PTPRD: variants seen among roughly 807,000 people sequenced by gnomAD.
PTPRD encodes receptor-type tyrosine-protein phosphatase delta.
In PTPRD, 34 loss-of-function variants were observed where a neutral mutation model predicts 214.5. The ratio of observed to expected loss-of-function variants is 0.16; its 90% CI spans 0.12 to 0.21. The LOEUF is 0.21. Ranked by LOEUF, PTPRD falls within the 10% of genes least tolerant of loss-of-function variation. The probability of loss-of-function intolerance (pLI) is 1.00; values close to 1 mark genes in which losing one functional copy is unlikely to be tolerated. For missense variants in PTPRD, 2,545 were observed against 2,398.7 expected, an observed-to-expected ratio of 1.06 and a Z score of -1.27; for synonymous variants, 1,128 against 845.7, an observed-to-expected ratio of 1.33 and a Z score of -5.79.
intron 9 of PTPRD, among the ~76,000 whole-genome samples, chr9:9,389,561 T>C (rs988038583): frequency 7.8e-4 from 118 of 152,248 alleles, no homozygotes; most frequent in Middle Eastern, 3.4e-3. Context: ...TTATCTCTAA[T>C]TGCAATAACT....
chr9:9,393,702 G>C (rs575501932), intron 9 of PTPRD, among the ~76,000 whole-genome samples: 1 of 152,220 alleles, frequency 6.6e-6, no homozygotes, highest in East Asian at 1.9e-4. Context: ...ATGTGACTTG[G>C]TGAGTAGTTT....
intron 5 of PTPRD, among the ~76,000 whole-genome samples, chr9:9,888,606 T>G (rs145202011): frequency 6.6e-6 from 1 of 152,206 alleles, no homozygotes; most frequent in Non-Finnish European, 1.5e-5. Context: ...CCCTTTTTCT[T>G]TCTTCCTTCC....
intron 11 of PTPRD, among the ~76,000 whole-genome samples, chr9:8,806,291 T>C (rs72702362): frequency 2.0e-5 from 3 of 151,542 alleles, no homozygotes; most frequent in Admixed American, 1.3e-4. Flanking sequence ...AATGTGCACA[T>C]ATTAATGTGT....
intron 12 of PTPRD, among the ~76,000 whole-genome samples, chr9:8,661,912 A>C (rs2097063258): frequency 6.6e-6 from 1 of 152,146 alleles, no homozygotes; most frequent in Non-Finnish European, 1.5e-5. Context: ...TACAACACGG[A>C]TCTATTTATT....
At chr9:9,970,368 T>G (rs966970770) in intron 4 of PTPRD, among the ~76,000 whole-genome samples, 2 of 139,222 alleles carry the variant, frequency 1.4e-5, no homozygotes, top group Non-Finnish European at 3.0e-5. Context: ...GAGAATGGCG[T>G]GAACCCGGGA....
chr9:10,534,920 A>T (rs2057377380), intron 2 of PTPRD, among the ~76,000 whole-genome samples: 1 of 152,200 alleles, frequency 6.6e-6, no homozygotes, highest in Non-Finnish European at 1.5e-5. Context: ...CATTGCAATA[A>T]AAGAGCAATA....
intron 8 of PTPRD, among the ~76,000 whole-genome samples, chr9:9,476,211 A>G (rs1226477004): frequency 6.6e-6 from 1 of 152,006 alleles, no homozygotes; most frequent in Non-Finnish European, 1.5e-5. Context: ...TAGTGTGTCT[A>G]TCTCTTCTTG....
chr9:9,042,172 G>T (rs1024825916), intron 10 of PTPRD, among the ~76,000 whole-genome samples: 1 of 152,192 alleles, frequency 6.6e-6, no homozygotes, highest in Non-Finnish European at 1.5e-5. Flanking sequence ...CTCTCTGACC[G>T]GTTGTCTCTG....
intron 3 of PTPRD, among the ~76,000 whole-genome samples, chr9:10,088,650 T>A (rs1382284705): frequency 6.6e-6 from 1 of 151,814 alleles, no homozygotes; most frequent in Admixed American, 6.6e-5. Flanking sequence ...AGTCAAGTAT[T>A]ACTGACGTTT....
intron 3 of PTPRD, among the ~76,000 whole-genome samples, chr9:10,044,306 G>A (rs1042600135): frequency 6.6e-6 from 1 of 151,698 alleles, no homozygotes; most frequent in Non-Finnish European, 1.5e-5. Flanking sequence ...AATTTTAGAG[G>A]ATATAAATTA....
intron 8 of PTPRD, among the ~76,000 whole-genome samples, chr9:9,489,303 G>C (rs755475701): frequency 1.3e-5 from 2 of 152,160 alleles, no homozygotes; most frequent in Non-Finnish European, 2.9e-5. Flanking sequence ...CTGTGGAAAA[G>C]AGAATCTGAG....
intron 3 of PTPRD, among the ~76,000 whole-genome samples, chr9:10,094,083 C>G (rs1030509543): frequency 6.6e-6 from 1 of 151,188 alleles, no homozygotes; most frequent in Non-Finnish European, 1.5e-5. Context: ...CCTGTTGAAT[C>G]CAAAATCAAC....
chr9:8,781,852 C>G (rs984884153), intron 11 of PTPRD, among the ~76,000 whole-genome samples: 5 of 152,250 alleles, frequency 3.3e-5, no homozygotes, highest in Admixed American at 2.6e-4. Flanking sequence ...TGTGAAAGGT[C>G]CTTCCATGTC....
intron 9 of PTPRD, among the ~76,000 whole-genome samples, chr9:9,234,997 T>C (rs1385009250): frequency 1.3e-5 from 2 of 152,180 alleles, no homozygotes; most frequent in East Asian, 1.9e-4. Context: ...TTGTATTAGT[T>C]CATTTTCAAA....
chr9:9,242,310 A>C (rs2099970753), intron 9 of PTPRD, among the ~76,000 whole-genome samples: 1 of 152,022 alleles, frequency 6.6e-6, no homozygotes, highest in Non-Finnish European at 1.5e-5. Context: ...GGTGAATCTG[A>C]CAATTATGTG....
intron 12 of PTPRD, among the ~76,000 whole-genome samples, chr9:8,726,866 G>C (rs1361934814): frequency 6.6e-6 from 1 of 150,860 alleles, no homozygotes; most frequent in East Asian, 2.0e-4. Context: ...AGCTACTAGG[G>C]AGGCTGAGGT....
intron 8 of PTPRD, among the ~76,000 whole-genome samples, chr9:9,498,446 T>C (rs1157378139): frequency 1.3e-5 from 2 of 152,122 alleles, no homozygotes; most frequent in Non-Finnish European, 2.9e-5. Context: ...TTAGATTTGA[T>C]AAATTATCAT....
chr9:8,483,323 T>C (rs1022550463), intron 30 of PTPRD, among the ~76,000 whole-genome samples: 6 of 152,268 alleles, frequency 3.9e-5, no homozygotes, highest in Non-Finnish European at 1.5e-5. Context: ...ATCAGTGTCA[T>C]ATACCATTAT....
At chr9:8,741,566 CTTTTTTTTTTTTTTTTTTTT>C (rs66547770) in intron 11 of PTPRD, among the ~76,000 whole-genome samples, 2 of 70,644 alleles carry the variant, frequency 2.8e-5, no homozygotes, top group East Asian at 4.8e-4. Flanking sequence ...TCAGGCATTT[CTTTTTTTTTTTTTTTTTTTT>C]TTTTTTTTTT....
Sources: allele counts gnomAD v4.1 joint callset (sites outside exome capture counted in the v4.1 genomes callset), GRCh38; gene constraint gnomAD v4.1.1; transcripts MANE v1.5; gene names NCBI Gene and HGNC (gene_info 2026-07-23, HGNC 2026-07-21).